Variants in AFG2A observed in about 807,000 individuals in gnomAD.
AFG2A encodes the protein AAA ATPase AFG2A, also known as ATPase family gene 2 protein homolog A.
At chr4:122,924,131 C>T in the AFG2A span, among the ~76,000 whole-genome samples, 45 of 152,326 alleles carry the variant, frequency 3.0e-4, no homozygotes, top group African/African-American at 9.6e-4. Context: ...TATTTTCACT[C>T]TGCCTTAGGT....
the AFG2A span, among the ~76,000 whole-genome samples, chr4:123,117,680 C>T: frequency 6.6e-6 from 1 of 151,056 alleles, no homozygotes; most frequent in East Asian, 1.9e-4. Context: ...TGCATGTTGT[C>T]GAAAAAGTTC....
the AFG2A span, among the ~76,000 whole-genome samples, chr4:122,956,012 C>A: frequency 6.6e-6 from 1 of 152,142 alleles, no homozygotes; most frequent in Non-Finnish European, 1.5e-5. Flanking sequence ...AGGTGTTGCT[C>A]TGTAGGACTT....
the AFG2A span, among the ~76,000 whole-genome samples, chr4:122,973,145 C>T: frequency 6.6e-6 from 1 of 152,168 alleles, no homozygotes; most frequent in Admixed American, 6.5e-5. Flanking sequence ...CCTTTTATTA[C>T]CCCGAGTGTC....
At chr4:123,144,259 T>G in the AFG2A span, among the ~76,000 whole-genome samples, 1 of 152,140 alleles carries the variant, frequency 6.6e-6, no homozygotes, top group Non-Finnish European at 1.5e-5. Context: ...TTTAGCTCTA[T>G]ATATCTGTTG....
At chr4:123,270,398 T>C in the AFG2A span, among the ~76,000 whole-genome samples, 1 of 152,236 alleles carries the variant, frequency 6.6e-6, no homozygotes, top group Admixed American at 6.5e-5. Context: ...TTACTACATG[T>C]ATACCTTCTG....
At chr4:123,132,780 CTTT>C in the AFG2A span, among the ~76,000 whole-genome samples, 9 of 129,196 alleles carry the variant, frequency 7.0e-5, no homozygotes, top group South Asian at 5.4e-4. Flanking sequence ...GATTTCAATC[CTTT>C]TTTTTTTTTT....
chr4:123,230,675 C>G, the AFG2A span, among the ~76,000 whole-genome samples: 1 of 152,076 alleles, frequency 6.6e-6, no homozygotes, highest in East Asian at 1.9e-4. Context: ...AGAAAGTTTT[C>G]CGTTTACTTT....
At chr4:122,987,716 C>T in the AFG2A span, among the ~76,000 whole-genome samples, 1 of 152,098 alleles carries the variant, frequency 6.6e-6, no homozygotes, top group African/African-American at 2.4e-5. Context: ...TCTCCTGCCC[C>T]CATATTTTAT....
At chr4:123,108,916 T>G in the AFG2A span, among the ~76,000 whole-genome samples, 1 of 152,152 alleles carries the variant, frequency 6.6e-6, no homozygotes. Flanking sequence ...AGGCCTGACA[T>G]TTTGAGTTTA....
chr4:123,110,373 A>T, the AFG2A span, among the ~76,000 whole-genome samples: 1 of 152,102 alleles, frequency 6.6e-6, no homozygotes, highest in Non-Finnish European at 1.5e-5. Context: ...TTGTGACCTA[A>T]ACCTGTATTC....
At chr4:123,180,088 C>T in the AFG2A span, among the ~76,000 whole-genome samples, 6 of 151,950 alleles carry the variant, frequency 3.9e-5, no homozygotes, top group Non-Finnish European at 8.8e-5. Flanking sequence ...GGCATGGTGG[C>T]AAGTGCCTGT....
chr4:123,283,344 G>A, the AFG2A span, among the ~76,000 whole-genome samples: 1 of 128,546 alleles, frequency 7.8e-6, no homozygotes, highest in Non-Finnish European at 1.7e-5. Context: ...TAAGTGACCC[G>A]GTAGGAAAAA....
chr4:122,944,969 AT>A, the AFG2A span, among the ~76,000 whole-genome samples: 1 of 152,152 alleles, frequency 6.6e-6, no homozygotes, highest in Non-Finnish European at 1.5e-5. Flanking sequence ...TGAACCGCGA[AT>A]GCTGCTGTCT....
At chr4:123,262,252 A>G in the AFG2A span, among the ~76,000 whole-genome samples, 1 of 152,232 alleles carries the variant, frequency 6.6e-6, no homozygotes, top group East Asian at 1.9e-4. Context: ...TCATTTTACC[A>G]ACCAAAAATG....
At chr4:122,958,468 TTAAATC>T in the AFG2A span, among the ~76,000 whole-genome samples, 1 of 152,296 alleles carries the variant, frequency 6.6e-6, no homozygotes, top group East Asian at 1.9e-4. Context: ...GGTATGTAGG[TTAAATC>T]TATCTCTTTC....
At chr4:122,978,396 C>T in the AFG2A span, among the ~76,000 whole-genome samples, 1 of 152,208 alleles carries the variant, frequency 6.6e-6, no homozygotes, top group African/African-American at 2.4e-5. Flanking sequence ...TCCTGACATC[C>T]CAGTGAGTCT....
the AFG2A span, among the ~76,000 whole-genome samples, chr4:122,939,608 C>G: frequency 6.6e-6 from 1 of 151,528 alleles, no homozygotes; most frequent in African/African-American, 2.4e-5. Flanking sequence ...GCCTCTTTTG[C>G]ACATTAAAAA....
At chr4:123,203,585 C>A in the AFG2A span, among the ~76,000 whole-genome samples, 1 of 152,164 alleles carries the variant, frequency 6.6e-6, no homozygotes, top group African/African-American at 2.4e-5. Context: ...GCCAGTTGTA[C>A]CTTTTTTATT....
chr4:122,924,569 C>G, the AFG2A span, among the ~76,000 whole-genome samples: 1 of 152,208 alleles, frequency 6.6e-6, no homozygotes, highest in African/African-American at 2.4e-5. Flanking sequence ...CAGGCTCGTC[C>G]TCTTCCCTTG....
Sources: gnomAD v4.1 joint callset for allele counts (sites outside exome capture counted in the v4.1 genomes callset) on GRCh38, gnomAD v4.1.1 for gene constraint, MANE v1.5 for transcripts, NCBI Gene and HGNC (gene_info 2026-07-23, HGNC 2026-07-21) for gene names.